Variants in MLIP observed in about 807,000 individuals in gnomAD.
The protein encoded by MLIP is muscular LMNA-interacting protein.
Under a neutral mutation model 84.8 loss-of-function variants are expected in MLIP, and 79 were observed. The ratio of observed to expected loss-of-function variants is 0.93; its 90% CI spans 0.78 to 1.12. MLIP has a LOEUF of 1.12. Among genes scored for constraint, MLIP ranks in the 50% most tolerant of loss-of-function variants. The probability of loss-of-function intolerance (pLI) is 0.00; values close to 1 mark genes in which losing one functional copy is unlikely to be tolerated. For missense variants in MLIP, 1,257 were observed against 1,160.6 expected (o/e 1.08, Z -1.21); for synonymous variants, 504 against 463.0 (o/e 1.09, Z -1.14).
intron 8 of MLIP, among the ~76,000 whole-genome samples, chr6:54,167,702 T>C (rs1031616809): frequency 4.6e-5 from 7 of 151,906 alleles, no homozygotes; most frequent in Non-Finnish European, 1.0e-4. Context: ...TTATAGAAAG[T>C]CTTTTCTTTG....
chr6:54,054,222 T>C (rs1297192746), intron 1 of MLIP, among the ~76,000 whole-genome samples: 1 of 152,184 alleles, frequency 6.6e-6, no homozygotes, highest in Non-Finnish European at 1.5e-5. Flanking sequence ...CACTGAGTCA[T>C]GCAGTAAGTT....
intron 1 of MLIP, among the ~76,000 whole-genome samples, chr6:54,049,191 A>G (rs929093485): frequency 7.2e-5 from 11 of 152,344 alleles, no homozygotes; most frequent in Non-Finnish European, 1.3e-4. Context: ...TAAAGCCCAC[A>G]AAAGATCAGT....
chr6:54,085,007 A>G (rs1364763438), intron 1 of MLIP, among the ~76,000 whole-genome samples: 2 of 152,202 alleles, frequency 1.3e-5, no homozygotes, highest in Non-Finnish European at 2.9e-5. Flanking sequence ...TGAAGCATAG[A>G]TAGACCAGAT....
chr6:54,215,365 A>T, intron 11 of MLIP: 11 of 1,308,360 alleles, frequency 8.4e-6, no homozygotes, highest in Non-Finnish European at 8.7e-6. Context: ...ATCCTACAAA[A>T]ATGGGGCTAC....
intron 12 of MLIP, among the ~76,000 whole-genome samples, chr6:54,252,104 T>C (rs1297777963): frequency 1.0e-5 from 1 of 99,604 alleles, no homozygotes; most frequent in Non-Finnish European, 1.7e-5. Flanking sequence ...TATTATAACA[T>C]ATAATATATA....
chr6:54,096,269 A>G (rs1768206124), intron 1 of MLIP, among the ~76,000 whole-genome samples: 1 of 152,140 alleles, frequency 6.6e-6, no homozygotes, highest in Admixed American at 6.6e-5. Context: ...GAATACATTC[A>G]ATTGAAGAGT....
At chr6:54,091,552 A>G (rs990381124) in intron 1 of MLIP, among the ~76,000 whole-genome samples, 4 of 152,172 alleles carry the variant, frequency 2.6e-5, no homozygotes, top group African/African-American at 7.2e-5. Flanking sequence ...TCTTGCCTAT[A>G]GGATAGAAGG....
intron 5 of MLIP, among the ~76,000 whole-genome samples, chr6:54,153,210 G>GC (rs1420057425): frequency 2.0e-5 from 3 of 151,756 alleles, no homozygotes; most frequent in Admixed American, 2.0e-4. Context: ...TTTTTTTGGT[G>GC]CAAGGAATAT....
intron 10 of MLIP, 145 bp downstream of exon 10, chr6:54,190,059 A>C (rs1582450462): frequency 1.6e-6 from 1 of 620,272 alleles, no homozygotes; most frequent in East Asian, 2.9e-5. Context: ...GATATTTTCC[A>C]AAAGCTCCAT....
At chr6:54,158,386 A>C (rs555660294) in intron 5 of MLIP, among the ~76,000 whole-genome samples, 1 of 152,106 alleles carries the variant, frequency 6.6e-6, no homozygotes, top group Non-Finnish European at 1.5e-5. Flanking sequence ...TATTCAAGCG[A>C]CGATATTTCT....
intron 13 of MLIP, among the ~76,000 whole-genome samples, chr6:54,262,431 A>C (rs1451453087): frequency 1.3e-5 from 2 of 152,034 alleles, no homozygotes. Flanking sequence ...GTAAGAAAAA[A>C]ATGACAGCAT....
At chr6:54,193,221 G>A (rs576847384) in intron 10 of MLIP, among the ~76,000 whole-genome samples, 2 of 151,966 alleles carry the variant, frequency 1.3e-5, no homozygotes, top group South Asian at 2.1e-4. Context: ...CACTGCAGTC[G>A]ATCAGAACTG....
At chr6:54,056,712 T>C (rs1038722920) in intron 1 of MLIP, among the ~76,000 whole-genome samples, 5 of 152,166 alleles carry the variant, frequency 3.3e-5, no homozygotes, top group Admixed American at 2.0e-4. Flanking sequence ...ATTATCCACA[T>C]CGATGTACAA....
intron 1 of MLIP, among the ~76,000 whole-genome samples, chr6:54,037,747 C>T (rs1764525417): frequency 6.6e-6 from 1 of 151,878 alleles, no homozygotes; most frequent in African/African-American, 2.4e-5. Context: ...CATGAGTCCT[C>T]ACAGGAGAGG....
chr6:54,213,080 G>T (rs1352270967), intron 11 of MLIP, among the ~76,000 whole-genome samples: 3 of 152,154 alleles, frequency 2.0e-5, no homozygotes, highest in African/African-American at 7.2e-5. Context: ...TTTCATTCAT[G>T]TGTTTCATAA....
At chr6:54,216,271 T>G in intron 11 of MLIP, 1 of 985,428 alleles carries the variant, frequency 1.0e-6, no homozygotes, top group Non-Finnish European at 1.2e-6. Flanking sequence ...CTCTCTTCCA[T>G]TATGAGCAAT....
Position 54,137,591 on chromosome 6 carries a change from C to G in MLIP, c.1522C>G (p.Leu508Val), listed in dbSNP as rs1240546819. Residue 508 changes from leucine to valine, a missense_variant, in exon 4 of 14, where the codon CTC (leucine) becomes GTC (valine). Leu to Val is a conservative substitution (Grantham distance 32). Transcript: ENST00000502396. ...TACTCCGCTTTCTCAGGCGCCCTCC[C>G]TCTCTCCTACAAAACAGGCTAGTAG... is the stretch of plus-strand genomic sequence containing the variant. ...KSTPLSQAPS[L>V]SPTKQASSSL... 5 of 1,536,020 alleles carry G rather than the reference C, an allele frequency of 3.3e-6. No homozygotes were observed.
rs1582471586 is a variant in MLIP, at chr6:54,197,060, A to G, written c.2590-5045A>G. 2.0e-5 allele frequency among the ~76,000 whole-genome samples: 3 copies of G among 152,208 alleles called. No individual in the cohort carries two copies. The Middle Eastern group carries it at 0.01, about 521-fold the overall frequency. ...ATATAATGTGTAAGCTAGAGTAGAA[A>G]CAGTGAAGGGGTGGAAGGGAGAGTA... is the stretch of plus-strand genomic sequence containing the variant. On this transcript the variant is annotated intron_variant, in intron 10 of 13. Coordinates refer to ENST00000502396, the MANE Select transcript of MLIP (RefSeq NM_001281747.2).
chr6:54,163,426 G>A (rs1297123882), intron 8 of MLIP, among the ~76,000 whole-genome samples: 2 of 151,504 alleles, frequency 1.3e-5, no homozygotes, highest in Non-Finnish European at 3.0e-5. Context: ...TATTTAAAAT[G>A]TTTTTATTTC....
Sources: allele counts gnomAD v4.1 joint callset (sites outside exome capture counted in the v4.1 genomes callset), GRCh38; gene constraint gnomAD v4.1.1; transcripts MANE v1.5; gene names NCBI Gene and HGNC (gene_info 2026-07-23, HGNC 2026-07-21).